UROS: variants seen among roughly 807,000 people sequenced by gnomAD.
UROS encodes the protein uroporphyrinogen III synthase.
In UROS, 18 loss-of-function variants were observed where a neutral mutation model predicts 33.0. The ratio of observed to expected loss-of-function variants is 0.55; its 90% CI spans 0.38 to 0.81. UROS has a LOEUF of 0.81. Among genes scored for constraint, UROS ranks in the 30% least tolerant of loss-of-function variants. The probability of loss-of-function intolerance (pLI) is 0.00; values close to 1 mark genes in which losing one functional copy is unlikely to be tolerated. For missense variants in UROS, 293 were observed against 314.9 expected (o/e 0.93, Z 0.53); for synonymous variants, 114 against 121.1 (o/e 0.94, Z 0.38).
chr10:125,815,173 T>C (rs2133942282), intron 3 of UROS, 43 bp from the exon 4 acceptor site: 1 of 1,601,864 alleles, frequency 6.2e-7, no homozygotes, highest in South Asian at 1.1e-5. Flanking sequence ...ACGATGGCTA[T>C]GTTCAACATC....
chr10:125,796,346 T>C (rs1359560619), intron 7 of UROS, among the ~76,000 whole-genome samples, 158 bp from the exon 8 acceptor site: 5 of 152,214 alleles, frequency 3.3e-5, no homozygotes, highest in Non-Finnish European at 5.9e-5. Flanking sequence ...AGAGAGGCCT[T>C]GAACAGTCCT....
chr10:125,795,979 G>T, intron 8 of UROS, 124 bp downstream of exon 8: 3 of 850,904 alleles, frequency 3.5e-6, no homozygotes, highest in Non-Finnish European at 6.2e-6. Context: ...GAAAAGGCAT[G>T]CAGGTGACAG....
intron 5 of UROS, among the ~76,000 whole-genome samples, chr10:125,811,586 T>G (rs902516423): frequency 1.3e-5 from 2 of 152,220 alleles, no homozygotes; most frequent in Non-Finnish European, 2.9e-5. Flanking sequence ...TTAAACTATT[T>G]TCACTCATAT....
chr10:125,816,406 A>C, intron 2 of UROS, 31 bp downstream of exon 2: 1 of 1,613,604 alleles, frequency 6.2e-7, no homozygotes, highest in Non-Finnish European at 8.5e-7. Context: ...TAGAAAGGAC[A>C]CTGTGGGATA....
chr10:125,802,811 G>A (rs1851955661), intron 6 of UROS: 6 of 1,462,248 alleles, frequency 4.1e-6, no homozygotes, highest in Non-Finnish European at 5.4e-6. Context: ...ATCTGTGCGA[G>A]GCCCTGTGCG....
At position 125,789,260 on chromosome 10, in the gene UROS, G is replaced by A. The variant is rs536310560; in HGVS notation, c.661-255C>T. 4 of 1,413,440 alleles carry A rather than the reference G, an allele frequency of 2.8e-6. No individual in the cohort carries two copies. The African/African-American group carries it at 5.8e-5, about 20-fold the overall frequency. The allele number at this position is 1,413,440 out of a possible 1,614,324, so 87.6% of individuals were successfully genotyped here. On this transcript the variant is annotated intron_variant, in intron 9 of 9. Transcript: ENST00000368797. The stretch of plus-strand genomic sequence containing the variant: ...AGGCTCAGGTGAGGGGCAGGGACTT[G>A]AAGGCCCCAGGCTGGTGCTCACCAT...
At chr10:125,816,672 G>T in intron 1 of UROS, 147 bp from the exon 2 acceptor site, 1 of 746,870 alleles carries the variant, frequency 1.3e-6, no homozygotes, top group Non-Finnish European at 2.3e-6. Context: ...GCACTAATGG[G>T]CTTGTTCTTT....
At chr10:125,794,073 T>A (rs1054203942) in intron 9 of UROS, 5 of 152,352 alleles carry the variant, frequency 3.3e-5, no homozygotes, top group African/African-American at 1.2e-4. Context: ...GTGCATCAAC[T>A]GCTCAGCAGC....
At chr10:125,822,519 C>T (rs1200998369) in intron 1 of UROS, among the ~76,000 whole-genome samples, 1 of 152,066 alleles carries the variant, frequency 6.6e-6, no homozygotes, top group Non-Finnish European at 1.5e-5. Context: ...GATGGGATTT[C>T]GCCATGTTGG....
intron 6 of UROS, among the ~76,000 whole-genome samples, chr10:125,801,586 C>A (rs1461465607): frequency 6.6e-6 from 1 of 152,132 alleles, no homozygotes; most frequent in Non-Finnish European, 1.5e-5. Flanking sequence ...CTTGGTAAAG[C>A]CAAGGTGAAG....
chr10:125,798,450 C>T (rs148369551), intron 6 of UROS, among the ~76,000 whole-genome samples: 2 of 152,352 alleles, frequency 1.3e-5, no homozygotes, highest in East Asian at 3.9e-4. Flanking sequence ...CCCTAGCCTG[C>T]AGTCACTATT....
intron 6 of UROS, among the ~76,000 whole-genome samples, chr10:125,798,731 C>G (rs1851568038): frequency 6.6e-6 from 1 of 152,246 alleles, no homozygotes; most frequent in South Asian, 2.1e-4. Context: ...AGAGAGAAGC[C>G]TGCTAAGAAC....
intron 9 of UROS, chr10:125,794,478 GA>G: frequency 1.8e-6 from 1 of 559,938 alleles, no homozygotes; most frequent in Non-Finnish European, 2.4e-6. Context: ...TAAAAGATAT[GA>G]AAAAGGTGAC....
chr10:125,808,316 C>T (rs1852511049), intron 5 of UROS, among the ~76,000 whole-genome samples: 1 of 152,168 alleles, frequency 6.6e-6, no homozygotes, highest in Non-Finnish European at 1.5e-5. Context: ...TGGTTAGTAA[C>T]AAATGGCAGC....
chr10:125,812,186 T>C (rs1187961040), intron 5 of UROS, 28 bp downstream of exon 5: 1 of 1,602,412 alleles, frequency 6.2e-7, no homozygotes, highest in Non-Finnish European at 8.5e-7. Flanking sequence ...CCATTTTTTG[T>C]TGTTTTATTT....
intron 7 of UROS, 101 bp downstream of exon 7, chr10:125,797,964 C>T: frequency 7.2e-7 from 1 of 1,398,338 alleles, no homozygotes. Context: ...CAGCCCTGCT[C>T]TCCCTTGTGT....
At chr10:125,798,028 A>C (rs1851512246) in intron 7 of UROS, 37 bp downstream of exon 7, 1 of 1,609,882 alleles carries the variant, frequency 6.2e-7, no homozygotes, top group Non-Finnish European at 8.5e-7. Flanking sequence ...GGTGGATCCC[A>C]AAGTGGTAAG....
intron 7 of UROS, among the ~76,000 whole-genome samples, chr10:125,797,193 G>T (rs1056316607): frequency 2.0e-5 from 3 of 152,160 alleles, no homozygotes; most frequent in African/African-American, 7.2e-5. Context: ...CAAGGTCTAA[G>T]GTCATCCTGG....
chr10:125,818,686 G>A (rs1853582425), intron 1 of UROS, among the ~76,000 whole-genome samples: 1 of 152,090 alleles, frequency 6.6e-6, no homozygotes, highest in Non-Finnish European at 1.5e-5. Context: ...TGCACAGGAG[G>A]GCCAGTGTCT....
Sources: allele counts gnomAD v4.1 joint callset (sites outside exome capture counted in the v4.1 genomes callset), GRCh38; gene constraint gnomAD v4.1.1; transcripts MANE v1.5; gene names NCBI Gene and HGNC (gene_info 2026-07-23, HGNC 2026-07-21).